NCOR2: variants seen among roughly 807,000 people sequenced by gnomAD.
NCOR2 encodes the protein nuclear receptor corepressor 2, also known as CTG repeat protein 26.
In NCOR2, 81 loss-of-function variants were observed where a neutral mutation model predicts 262.9. The observed-to-expected ratio is 0.31, with a 90% CI of 0.26 to 0.37. The LOEUF (loss-of-function observed/expected upper bound fraction) is 0.37. Among genes scored for constraint, NCOR2 ranks in the 10% least tolerant of loss-of-function variants. The probability of loss-of-function intolerance (pLI) is 1.00; values close to 1 mark genes in which losing one functional copy is unlikely to be tolerated. For missense variants in NCOR2, 3,385 were observed against 3,621.4 expected (o/e 0.93, Z 1.68); for synonymous variants, 1,659 against 1,559.3 (o/e 1.06, Z -1.51).
intron 5 of NCOR2, among the ~76,000 whole-genome samples, chr12:124,463,659 T>C (rs1317223223): frequency 6.6e-6 from 1 of 152,186 alleles, no homozygotes; most frequent in African/African-American, 2.4e-5. Flanking sequence ...TTGTCCTCCA[T>C]CTCTCCAGGA....
chr12:124,460,537 A>C (rs575569627), intron 5 of NCOR2, among the ~76,000 whole-genome samples: 3 of 152,300 alleles, frequency 2.0e-5, no homozygotes, highest in Admixed American at 2.0e-4. Flanking sequence ...CACATCCCGG[A>C]TGTGCCTGGC....
intron 8 of NCOR2, among the ~76,000 whole-genome samples, chr12:124,434,330 C>A (rs143142049): frequency 4.9e-4 from 74 of 152,266 alleles, no homozygotes; most frequent in African/African-American, 1.6e-3. Flanking sequence ...GCTTCTTATA[C>A]CACAACAAAG....
intron 16 of NCOR2, among the ~76,000 whole-genome samples, chr12:124,386,181 C>T (rs1283125643): frequency 6.6e-6 from 1 of 152,084 alleles, no homozygotes; most frequent in Non-Finnish European, 1.5e-5. Flanking sequence ...CAGGTGAAGT[C>T]CCACCGAGGC....
At chr12:124,450,169 G>GACAAACCCAC (rs1282232399) in intron 6 of NCOR2, among the ~76,000 whole-genome samples, 1 of 152,216 alleles carries the variant, frequency 6.6e-6, no homozygotes, top group Non-Finnish European at 1.5e-5. Flanking sequence ...AGCACACCCG[G>GACAAACCCAC]ACAAACCCAC....
chr12:124,533,549 G>A (rs759374935), intron 1 of NCOR2, among the ~76,000 whole-genome samples: 8 of 151,904 alleles, frequency 5.3e-5, no homozygotes, highest in East Asian at 1.9e-4. Flanking sequence ...GCTAAGCGTC[G>A]CACTTACTGA....
At chr12:124,499,439 C>T (rs989176960), upstream of NCOR2, among the ~76,000 whole-genome samples, 1 of 152,358 alleles carries the variant, frequency 6.6e-6, no homozygotes, top group Middle Eastern at 3.4e-3. Context: ...AGGCCAGGGG[C>T]TCTGCCCAGC....
chr12:124,365,771 C>T (rs969285794), intron 20 of NCOR2, among the ~76,000 whole-genome samples: 1 of 151,842 alleles, frequency 6.6e-6, no homozygotes, highest in South Asian at 2.1e-4. Context: ...CCCAGGACCA[C>T]CTAAAGCCTC....
In NCOR2 at chr12:124,378,822, C is replaced by A. The variant is rs1048234346; in HGVS notation, c.2020-438G>T. Among the ~76,000 whole-genome samples the A allele has an allele frequency of 6.6e-6, 1 of 152,220 alleles. No homozygotes were observed. Among genetic ancestry groups the A allele is most frequent in the African/African-American group, 2.4e-5 (1 of 41,458 alleles). Reference sequence around the variant, plus strand: ...GGGGAACAGGCCAGCCTGGGAAGCTCGCGTTTCATTCCCTGAACCTTTACA... The same window carrying A: ...GGGGAACAGGCCAGCCTGGGAAGCTAGCGTTTCATTCCCTGAACCTTTACA... On this transcript the variant is annotated intron_variant, in intron 17 of 46. Transcript: ENST00000405201. The surrounding 1 kb of genome is among the most constrained non-coding windows in gnomAD (Gnocchi z 4.2).
chr12:124,358,324 C>A (rs2038178001), intron 22 of NCOR2, among the ~76,000 whole-genome samples: 2 of 142,212 alleles, frequency 1.4e-5, no homozygotes, highest in African/African-American at 2.6e-5. Context: ...TGTGTGAGTG[C>A]ATGGATGTGT....
intron 6 of NCOR2, among the ~76,000 whole-genome samples, chr12:124,456,745 G>A (rs2045883561): frequency 1.3e-5 from 2 of 152,204 alleles, no homozygotes; most frequent in South Asian, 4.1e-4. Flanking sequence ...GACCGAGATT[G>A]TGTGACCCAG....
intron 1 of NCOR2, among the ~76,000 whole-genome samples, chr12:124,521,036 C>A (rs939996440): frequency 2.0e-5 from 3 of 152,180 alleles, no homozygotes; most frequent in Admixed American, 2.0e-4. Context: ...GCTCAGCTGG[C>A]GAATGGGGGA....
rs912472717 is a variant in NCOR2, at chr12:124,555,480, G to A, written c.-165+11828C>T. Among the ~76,000 whole-genome samples, 26 of 152,298 alleles carry A rather than the reference G, an allele frequency of 1.7e-4. 1 individual carries two copies. Among genetic ancestry groups the A allele is most frequent in the East Asian group, 1.4e-3 (7 of 5,178 alleles). Reference sequence around the variant, plus strand: ...ACGTCCGCAGGATGTATACATGCTCGGGTGTCATCGCCACAGCAGTCCCCC... The same window carrying A: ...ACGTCCGCAGGATGTATACATGCTCAGGTGTCATCGCCACAGCAGTCCCCC... On this transcript the variant is annotated intron_variant, in intron 1 of 32. Transcript: ENST00000458234.
exon 20 of NCOR2, chr12:124,372,483 T>A (rs757177570): frequency 2.6e-6 from 3 of 1,167,284 alleles, no homozygotes; most frequent in East Asian, 5.2e-5. Context: ...GTGGGGTGGG[T>A]GGCCCTGGGG....
chr12:124,445,935 G>C (rs570540599), intron 7 of NCOR2, among the ~76,000 whole-genome samples: 22 of 152,342 alleles, frequency 1.4e-4, no homozygotes, highest in African/African-American at 5.3e-4. Context: ...GAGCCCTAGA[G>C]GGCAAGTGAC....
chr12:124,566,707 C>G lies in NCOR2; in HGVS notation c.-165+601G>C, dbSNP rs2052251929. 6.6e-6 allele frequency among the ~76,000 whole-genome samples: 1 copy of G among 152,326 alleles called. No homozygotes were observed. The highest frequency in any genetic ancestry group is 6.5e-5 in the Admixed American group (1 of 15,310). On this transcript the variant is annotated intron_variant, in intron 1 of 32. Transcript: ENST00000458234. The surrounding 1 kb of genome is among the most constrained non-coding windows in gnomAD (Gnocchi z 4.3). ...AGCCACGGGAGGCAGGCCCAGACACCAGGAACACCGGCCCGCGGGGGAGGG... is the reference window on the plus strand; with the variant it reads ...AGCCACGGGAGGCAGGCCCAGACACGAGGAACACCGGCCCGCGGGGGAGGG...
At position 124,358,100 on chromosome 12, in the gene NCOR2, C is replaced by T. The variant is rs867380753; in HGVS notation, c.3101-1318G>A. Among the ~76,000 whole-genome samples the T allele has an allele frequency of 1.6e-3, 235 of 142,924 alleles. 2 individuals carry two copies. Among genetic ancestry groups the T allele is most frequent in the Non-Finnish European group, 2.7e-3 (182 of 66,284 alleles). The allele number at this position is 142,924 out of a possible 152,430, so 93.8% of individuals were successfully genotyped here. On this transcript the variant is annotated intron_variant, in intron 22 of 46. Transcript: ENST00000405201. The stretch of plus-strand genomic sequence containing the variant: ...GTAACCTGTGATGTGTGTGTGCGCG[C>T]GCGCACGTGCGTGCGTGTGAGTGCA...
chr12:124,330,944 A>G (rs1354609057), intron 43 of NCOR2, 46 bp from the exon 46 acceptor site: 4 of 1,553,418 alleles, frequency 2.6e-6, no homozygotes, highest in Non-Finnish European at 3.5e-6. Flanking sequence ...GTCTCTGGGA[A>G]TTACCTGCCC....
chr12:124,495,424 C>T (rs993014181), upstream of NCOR2: 55 of 1,309,258 alleles, frequency 4.2e-5, no homozygotes, highest in East Asian at 5.5e-4. This position sits in a 1 kb window ranked among gnomAD's most constrained non-coding sequence, Gnocchi z 4.4. Context: ...CTGGCTCCTC[C>T]GTGCACAGGT....
chr12:124,479,967 G>A (rs1419594516), intron 3 of NCOR2, among the ~76,000 whole-genome samples: 1 of 152,246 alleles, frequency 6.6e-6, no homozygotes, highest in Non-Finnish European at 1.5e-5. Context: ...CACTGGCTGG[G>A]CATGACTTGG....
Sources: allele counts gnomAD v4.1 joint callset (sites outside exome capture counted in the v4.1 genomes callset), GRCh38; gene constraint gnomAD v4.1.1; non-coding constraint Gnocchi (gnomAD v3.1); transcripts MANE v1.5; gene names NCBI Gene and HGNC (gene_info 2026-07-23, HGNC 2026-07-21).